ADGRV1: variants seen among roughly 807,000 people sequenced by gnomAD.
ADGRV1 encodes the protein adhesion G protein-coupled receptor V1.
Under a neutral mutation model 596.2 loss-of-function variants are expected in ADGRV1, and 359 were observed. The observed-to-expected ratio is 0.60, with a 90% CI of 0.55 to 0.66. The LOEUF is 0.66. Ranked by LOEUF, ADGRV1 falls within the 30% of genes least tolerant of loss-of-function variation. The probability of loss-of-function intolerance (pLI) is 0.00; values close to 1 mark genes in which losing one functional copy is unlikely to be tolerated. For missense variants in ADGRV1, 7,274 were observed against 7,575.6 expected (o/e 0.96, Z 1.48); for synonymous variants, 2,681 against 2,679.2 (o/e 1.00, Z -0.02).
chr5:90,726,425 C>T (rs1340810628), intron 48 of ADGRV1, among the ~76,000 whole-genome samples: 2 of 152,062 alleles, frequency 1.3e-5, no homozygotes, highest in South Asian at 4.2e-4. Context: ...ATTTCATTTC[C>T]TTTCTCCCTT....
chr5:91,094,941 C>A (rs1004661779), intron 86 of ADGRV1, among the ~76,000 whole-genome samples: 1 of 152,116 alleles, frequency 6.6e-6, no homozygotes, highest in African/African-American at 2.4e-5. Flanking sequence ...AAGAACCTGG[C>A]ACATAATAAG....
intron 1 of ADGRV1, among the ~76,000 whole-genome samples, chr5:90,583,032 A>G (rs1241380010): frequency 2.0e-5 from 3 of 152,340 alleles, no homozygotes; most frequent in South Asian, 2.1e-4. Flanking sequence ...TTTTTCTACC[A>G]AAAGTATAAA....
chr5:90,738,882 T>C (rs1161650914), intron 50 of ADGRV1, among the ~76,000 whole-genome samples: 2 of 152,154 alleles, frequency 1.3e-5, no homozygotes, highest in Admixed American at 6.5e-5. Flanking sequence ...AAAATAATGA[T>C]TCTTGGTATT....
intron 33 of ADGRV1, among the ~76,000 whole-genome samples, chr5:90,696,404 C>T (rs1747199734): frequency 6.6e-6 from 1 of 152,154 alleles, no homozygotes; most frequent in Non-Finnish European, 1.5e-5. Flanking sequence ...CTCAAAGATG[C>T]ATCTCATTTA....
chr5:90,635,959 C>T (rs1766145706), intron 10 of ADGRV1, among the ~76,000 whole-genome samples: 1 of 150,230 alleles, frequency 6.7e-6, no homozygotes, highest in Admixed American at 6.7e-5. Context: ...GCTTGACCTA[C>T]TTCATTTCTG....
At chr5:91,113,884 A>T (rs1347343151) in intron 87 of ADGRV1, among the ~76,000 whole-genome samples, 1 of 149,680 alleles carries the variant, frequency 6.7e-6, no homozygotes, top group Non-Finnish European at 1.5e-5. Flanking sequence ...ACGTCACTTT[A>T]CTCCAGCCTG....
At chr5:90,626,125 T>C (rs955145758) in intron 6 of ADGRV1, 1 of 151,914 alleles carries the variant, frequency 6.6e-6, no homozygotes, top group African/African-American at 2.4e-5. Flanking sequence ...AAAAAGAAAA[T>C]AGCTGGCAAT....
intron 85 of ADGRV1, among the ~76,000 whole-genome samples, chr5:91,037,605 G>T (rs1376886061): frequency 1.3e-5 from 2 of 152,174 alleles, no homozygotes; most frequent in East Asian, 3.8e-4. Flanking sequence ...TAACAGTCTG[G>T]TGATAGTGAC....
rs897988843 is a variant in ADGRV1, at chr5:90,821,321, A to AT, written c.16197-2097dup. Among the ~76,000 whole-genome samples, 249 of 150,882 alleles carry AT rather than the reference A, an allele frequency of 1.7e-3. 1 individual carries two copies. The highest frequency in any genetic ancestry group is 2.9e-3 in the Non-Finnish European group (197 of 67,502). ...TTATTCTAGTTGTACATTCTTCTAA[A>AT]TTTTTTTCAAAGTTTTCAACTTCTT... On this transcript the variant is annotated intron_variant, in intron 75 of 89. Coordinates refer to ENST00000405460, the MANE Select transcript of ADGRV1 (RefSeq NM_032119.4).
In ADGRV1 at chr5:90,810,893, T is replaced by C. The variant is rs1420963777; in HGVS notation, c.15633T>C (p.Thr5211=). 1.2e-6 allele frequency: 2 copies of C among 1,613,948 alleles called. No homozygotes were observed. The highest frequency in any genetic ancestry group is 1.7e-6 in the Non-Finnish European group (2 of 1,179,908). ...VSEKPDVATV[T]ANVSIHGTFS... ...AAAAGCCTGATGTGGCCACTGTAACTGCCAATGTTTCCATTCATGGAACAT... is the reference window on the plus strand; with the variant it reads ...AAAAGCCTGATGTGGCCACTGTAACCGCCAATGTTTCCATTCATGGAACAT... Residue 5211 remains threonine (T), a synonymous_variant, in exon 74 of 90, where the codon ACT becomes ACC. Transcript: ENST00000405460.
intron 87 of ADGRV1, among the ~76,000 whole-genome samples, chr5:91,143,120 A>G (rs964106087): frequency 6.6e-6 from 1 of 152,186 alleles, no homozygotes; most frequent in Non-Finnish European, 1.5e-5. Context: ...TGGACTAGGC[A>G]TCCCGCAAGT....
At chr5:90,985,246 G>T in intron 84 of ADGRV1, 98 bp from the exon 85 acceptor site, 1 of 671,460 alleles carries the variant, frequency 1.5e-6, no homozygotes. Context: ...AGTAGATCCT[G>T]GCCTTTTGTT....
chr5:90,736,408 A>G (rs985566234), intron 50 of ADGRV1, among the ~76,000 whole-genome samples: 4 of 152,062 alleles, frequency 2.6e-5, no homozygotes, highest in African/African-American at 9.7e-5. Context: ...ATCTTTGTTC[A>G]TCAGAGATAT....
At chr5:91,027,250 A>G (rs1165464981) in intron 85 of ADGRV1, among the ~76,000 whole-genome samples, 1 of 151,848 alleles carries the variant, frequency 6.6e-6, no homozygotes, top group Non-Finnish European at 1.5e-5. Flanking sequence ...TATAAAACAA[A>G]TAATGGACTA....
intron 83 of ADGRV1, among the ~76,000 whole-genome samples, chr5:90,939,468 C>G (rs1775988594): frequency 1.3e-5 from 2 of 152,164 alleles, no homozygotes; most frequent in African/African-American, 4.8e-5. Context: ...AATGTGAATT[C>G]CACTCTAGGC....
intron 85 of ADGRV1, among the ~76,000 whole-genome samples, chr5:91,004,597 C>G (rs1166350035): frequency 1.2e-5 from 1 of 84,650 alleles, no homozygotes; most frequent in Non-Finnish European, 2.1e-5. Context: ...TAATCTTTCA[C>G]TTTGACTCCT....
At chr5:91,006,723 T>G (rs1782311483) in intron 85 of ADGRV1, among the ~76,000 whole-genome samples, 1 of 152,176 alleles carries the variant, frequency 6.6e-6, no homozygotes, top group Non-Finnish European at 1.5e-5. Context: ...ATAAGTATAT[T>G]AAGCATTTAT....
intron 82 of ADGRV1, among the ~76,000 whole-genome samples, chr5:90,858,840 T>C (rs1187764834): frequency 6.6e-6 from 1 of 152,216 alleles, no homozygotes; most frequent in Non-Finnish European, 1.5e-5. Context: ...TGGTCTTAAG[T>C]TGGCTCTAGC....
In ADGRV1 at chr5:91,163,885, C is replaced by A; in HGVS notation, c.18906C>A (p.Ala6302=). 6.5e-7 allele frequency: 1 copy of A among 1,544,112 alleles called. No individual in the cohort carries two copies. The change falls in exon 90 of 90, where the codon GCC becomes GCA. Residue 6302 remains alanine (A), a synonymous_variant. Transcript: ENST00000405460. ...QIVELRRIPI[A]DTHL ...TGGAGCTCAGGAGGATACCCATCGC[C>A]GACACTCACCTGTAGCACCTCACTA...
Sources: gnomAD v4.1 joint callset for allele counts (sites outside exome capture counted in the v4.1 genomes callset) on GRCh38, gnomAD v4.1.1 for gene constraint, MANE v1.5 for transcripts, NCBI Gene and HGNC (gene_info 2026-07-23, HGNC 2026-07-21) for gene names.